Variants in RIC1 observed in about 807,000 individuals in gnomAD.
RIC1 encodes the protein RIC1 partner of RAB6A GEF complex, also known as guanine nucleotide exchange factor subunit RIC1.
A neutral mutation model predicts 169.0 loss-of-function variants in RIC1; 88 were observed. The ratio of observed to expected loss-of-function variants is 0.52; its 90% CI spans 0.44 to 0.62. The LOEUF (loss-of-function observed/expected upper bound fraction) is 0.62, where lower values mean the gene tolerates loss of function less well. RIC1 is among the 20% of genes least tolerant of loss of function. The probability of loss-of-function intolerance (pLI) is 0.00; values close to 1 mark genes in which losing one functional copy is unlikely to be tolerated. For missense variants in RIC1, 1,877 were observed against 1,725.5 expected (o/e 1.09, Z -1.56); for synonymous variants, 790 against 601.5 (o/e 1.31, Z -4.59).
intron 2 of RIC1, among the ~76,000 whole-genome samples, chr9:5,673,557 T>TATATATATATATATATATATAA (rs1554663254): frequency 6.3e-5 from 9 of 142,650 alleles, no homozygotes; most frequent in Admixed American, 1.4e-4. Context: ...TATATATATA[T>TATATATATATATATATATATAA]AAATAAATGT....
At chr9:5,701,941 A>G (rs997493056) in intron 3 of RIC1, among the ~76,000 whole-genome samples, 2 of 152,228 alleles carry the variant, frequency 1.3e-5, no homozygotes, top group Non-Finnish European at 2.9e-5. Context: ...GGATCCACGT[A>G]TTAAACATCA....
At chr9:5,743,527 T>G (rs1209714512) in intron 9 of RIC1, among the ~76,000 whole-genome samples, 162 bp from the exon 10 acceptor site, 1 of 152,216 alleles carries the variant, frequency 6.6e-6, no homozygotes, top group African/African-American at 2.4e-5. Context: ...GAGAGATATA[T>G]ACACCTAGGT....
intron 25 of RIC1, 53 bp from the exon 26 acceptor site, chr9:5,773,905 A>C (rs937955718): frequency 1.4e-6 from 2 of 1,479,006 alleles, no homozygotes; most frequent in African/African-American, 2.8e-5. Context: ...GTAATGTTCT[A>C]CCAAACCTTT....
intron 4 of RIC1, among the ~76,000 whole-genome samples, chr9:5,717,943 G>A (rs200924799): frequency 4.0e-5 from 6 of 148,788 alleles, no homozygotes; most frequent in East Asian, 2.0e-4. Flanking sequence ...AGTTCAAGAC[G>A]AGCCTGGCCA....
At chr9:5,773,882 TAGA>T in intron 25 of RIC1, 73 bp from the exon 26 acceptor site, 1 of 1,339,804 alleles carries the variant, frequency 7.5e-7, no homozygotes, top group Non-Finnish European at 1.0e-6. Context: ...CAATGTTCAG[TAGA>T]AGTTCACCCG....
At chr9:5,735,041 G>C (rs533823948) in intron 7 of RIC1, among the ~76,000 whole-genome samples, 11 of 152,216 alleles carry the variant, frequency 7.2e-5, no homozygotes, top group African/African-American at 2.6e-4. Context: ...GTTCCAAACA[G>C]AATCGATCAA....
chr9:5,748,492 C>A (rs1430039650), intron 12 of RIC1: 1 of 152,616 alleles, frequency 6.6e-6, no homozygotes, highest in African/African-American at 2.4e-5. Flanking sequence ...AAACAATGTA[C>A]ATACCATTTT....
At chr9:5,635,630 T>TC (rs1817935826) in intron 1 of RIC1, among the ~76,000 whole-genome samples, 1 of 152,194 alleles carries the variant, frequency 6.6e-6, no homozygotes, top group Non-Finnish European at 1.5e-5. Context: ...TGGCTCTATT[T>TC]CCCCACCCAA....
At chr9:5,685,642 T>C (rs201064409) in intron 2 of RIC1, among the ~76,000 whole-genome samples, 2 of 151,642 alleles carry the variant, frequency 1.3e-5, no homozygotes, top group African/African-American at 2.4e-5. Context: ...GGATTAAAGA[T>C]TTAAATGTTA....
intron 17 of RIC1, among the ~76,000 whole-genome samples, chr9:5,758,647 T>C (rs1826148530): frequency 6.6e-6 from 1 of 151,762 alleles, no homozygotes; most frequent in South Asian, 2.1e-4. Flanking sequence ...CTTATCTGCA[T>C]GCTAAATACT....
chr9:5,713,810 A>T, intron 3 of RIC1, 86 bp from the exon 4 acceptor site: 1 of 773,538 alleles, frequency 1.3e-6, no homozygotes, highest in Non-Finnish European at 2.1e-6. Flanking sequence ...GTTTTATTTC[A>T]TTTACTTTAT....
intron 7 of RIC1, among the ~76,000 whole-genome samples, chr9:5,737,818 C>G (rs1206164175): frequency 1.3e-5 from 2 of 150,848 alleles, no homozygotes; most frequent in African/African-American, 2.4e-5. Context: ...ATATTGTATT[C>G]TTACAATAAA....
At chr9:5,676,167 T>G (rs1339033028) in intron 2 of RIC1, among the ~76,000 whole-genome samples, 1 of 152,184 alleles carries the variant, frequency 6.6e-6, no homozygotes, top group African/African-American at 2.4e-5. Context: ...TACGCCCACC[T>G]CAGACTCCCA....
At chr9:5,683,852 C>T (rs541712182) in intron 2 of RIC1, among the ~76,000 whole-genome samples, 6 of 152,308 alleles carry the variant, frequency 3.9e-5, no homozygotes, top group East Asian at 3.9e-4. Context: ...TGGCGGGCGC[C>T]CCTCCCCCAG....
chr9:5,660,856 T>C (rs141302734), intron 2 of RIC1, among the ~76,000 whole-genome samples: 1 of 152,354 alleles, frequency 6.6e-6, no homozygotes, highest in African/African-American at 2.4e-5. Flanking sequence ...TTCAGTTCGA[T>C]TAGATCCCAT....
intron 1 of RIC1, among the ~76,000 whole-genome samples, chr9:5,630,207 C>T (rs555798271): frequency 6.6e-6 from 1 of 152,132 alleles, no homozygotes; most frequent in Admixed American, 6.5e-5. Flanking sequence ...CTTTTTCTTT[C>T]TTGTATTGAA....
Position 5,722,217 on chromosome 9 carries a change from T to C in RIC1, c.720+1467T>C, listed in dbSNP as rs1474119722. On this transcript the variant is annotated intron_variant, in intron 6 of 25. Coordinates refer to ENST00000414202, the MANE Select transcript of RIC1 (RefSeq NM_020829.4). ...TCATCTTCTTCTTCTTTTTTTTTTT[T>C]TTTCCACAGTACCACAAAACAATTT... Among the ~76,000 whole-genome samples, 11 of 151,928 alleles carry C rather than the reference T, an allele frequency of 7.2e-5. No individual in the cohort carries two copies. In the South Asian group the frequency reaches 2.3e-3, roughly 32 times the overall value.
At chr9:5,679,203 T>G (rs1440180350) in intron 2 of RIC1, among the ~76,000 whole-genome samples, 25 of 152,216 alleles carry the variant, frequency 1.6e-4, no homozygotes, top group African/African-American at 2.7e-4. Flanking sequence ...CATTGGTCTA[T>G]ATCTCTGTTT....
rs186017255 is a variant in RIC1, at chr9:5,670,931, A to T, written c.252+14241A>T. ...GGAAAATGGTCTTCATGTCGAGTCC[A>T]CTTCTGAGTAGGACCACAGGACCAG... is the stretch of plus-strand genomic sequence containing the variant. On this transcript the variant is annotated intron_variant, in intron 2 of 25. Coordinates refer to ENST00000414202, the MANE Select transcript of RIC1 (RefSeq NM_020829.4). 1.9e-3 allele frequency among the ~76,000 whole-genome samples: 290 copies of T among 152,260 alleles called. 1 individual carries two copies. The East Asian group carries it at 0.024, about 12-fold the overall frequency.
Sources: allele counts gnomAD v4.1 joint callset (sites outside exome capture counted in the v4.1 genomes callset), GRCh38; gene constraint gnomAD v4.1.1; transcripts MANE v1.5; gene names NCBI Gene and HGNC (gene_info 2026-07-23, HGNC 2026-07-21).